Variants in PREX2 observed in about 807,000 individuals in gnomAD.
PREX2 encodes phosphatidylinositol-3,4,5-trisphosphate dependent Rac exchange factor 2.
PREX2 carries 107 observed loss-of-function variants against 203.2 expected under a neutral mutation model. The ratio of observed to expected loss-of-function variants is 0.53; its 90% CI spans 0.45 to 0.62. The LOEUF (loss-of-function observed/expected upper bound fraction) is 0.62, where lower values mean the gene tolerates loss of function less well. PREX2 is among the 20% of genes least tolerant of loss of function. The pLI is 0.00. For missense variants in PREX2, 1,777 were observed against 1,955.9 expected, an observed-to-expected ratio of 0.91 and a Z score of 1.72; for synonymous variants, 672 against 663.6, an observed-to-expected ratio of 1.01 and a Z score of -0.19.
intron 15 of PREX2, among the ~76,000 whole-genome samples, chr8:68,078,699 A>G (rs1381295731): frequency 6.6e-6 from 1 of 152,192 alleles, no homozygotes; most frequent in Non-Finnish European, 1.5e-5. Context: ...TCCTTGAAGA[A>G]CAAACTATGA....
chr8:68,050,081 T>C (rs11994197), intron 8 of PREX2, among the ~76,000 whole-genome samples: 17,054 of 152,068 alleles, frequency 0.11, 2,982 homozygotes, highest in African/African-American at 0.38. Flanking sequence ...TATATGTTTA[T>C]AATTACTTAT....
At chr8:68,090,465 A>C (rs1012665508) in intron 19 of PREX2, 114 bp from the exon 20 acceptor site, 9 of 886,904 alleles carry the variant, frequency 1.0e-5, no homozygotes, top group African/African-American at 1.0e-4. Flanking sequence ...TATCAAGATT[A>C]TACTAGCTAG....
chr8:68,098,780 T>C (rs1036979335), intron 22 of PREX2, among the ~76,000 whole-genome samples: 2 of 151,772 alleles, frequency 1.3e-5, no homozygotes, highest in Non-Finnish European at 2.9e-5. Context: ...AAACTCATAC[T>C]CCATAGTCTG....
At chr8:68,162,860 A>G (rs569915711) in intron 35 of PREX2, among the ~76,000 whole-genome samples, 1 of 152,344 alleles carries the variant, frequency 6.6e-6, no homozygotes, top group South Asian at 2.1e-4. Flanking sequence ...CAAAGACATA[A>G]GCTCACAGAC....
At chr8:68,156,274 A>G (rs945470966) in intron 34 of PREX2, among the ~76,000 whole-genome samples, 3 of 152,114 alleles carry the variant, frequency 2.0e-5, no homozygotes, top group Non-Finnish European at 4.4e-5. Flanking sequence ...TATGTTGCCT[A>G]GGCTAGTTTT....
rs141781054 is a variant in PREX2 at position 68,017,866 on chromosome 8, C to A, written c.162C>A (p.Asn54Lys). 18 of 1,612,476 alleles carry A rather than the reference C, an allele frequency of 1.1e-5. No homozygotes were observed. The highest frequency in any genetic ancestry group is 1.5e-5 in the Non-Finnish European group (18 of 1,179,058). Residue 54 changes from asparagine to lysine, a missense_variant, in exon 2 of 40, where the codon AAC becomes AAA. Coordinates refer to ENST00000288368, the MANE Select transcript of PREX2 (RefSeq NM_024870.4). ...FLVSAFLHRM[N>K]QCAASKVDKN... ...TGCAGGCATTCTTACACAGAATGAA[C>A]CAGTGTGCAGCATCAAAAGTTGACA...
intron 1 of PREX2, among the ~76,000 whole-genome samples, chr8:67,968,632 TA>T (rs1805840191): frequency 6.6e-6 from 1 of 152,196 alleles, no homozygotes; most frequent in East Asian, 1.9e-4. Flanking sequence ...TCATACATCA[TA>T]AAAGTTAAAA....
chr8:68,034,359 CTCTG>C (rs1807972647), intron 6 of PREX2, among the ~76,000 whole-genome samples: 2 of 152,166 alleles, frequency 1.3e-5, no homozygotes, highest in East Asian at 1.9e-4. Context: ...CAGGATCATG[CTCTG>C]TCTGTGTGTT....
chr8:68,118,469 A>T (rs535654083), intron 26 of PREX2, 81 bp from the exon 27 acceptor site: 8 of 823,086 alleles, frequency 9.7e-6, no homozygotes, highest in Non-Finnish European at 1.7e-5. Flanking sequence ...AATATAACTG[A>T]TATAAGTTTA....
intron 11 of PREX2, among the ~76,000 whole-genome samples, chr8:68,062,208 C>T (rs1808878314): frequency 1.3e-5 from 2 of 152,102 alleles, no homozygotes; most frequent in Non-Finnish European, 2.9e-5. Flanking sequence ...TCCCTTTCAG[C>T]ATCCTTACCT....
chr8:68,157,388 T>G lies in PREX2; in HGVS notation c.4298T>G (p.Ile1433Arg). 6.2e-7 allele frequency: 1 copy of G among 1,612,936 alleles called. No homozygotes were observed. Among genetic ancestry groups the G allele is most frequent in the Non-Finnish European group, 8.5e-7 (1 of 1,179,154 alleles). The stretch of plus-strand genomic sequence containing the variant: ...TCTGTGGAAGAATTTCAAGCTCAGA[T>G]AAATGCAGCCTCACTGGAAAAGGTC... ...NVSVEEFQAQ[I>R]NAASLEKVKQ... The change falls in exon 35 of 40, where the codon ATA becomes AGA. Residue 1433 changes from isoleucine to arginine, a missense_variant. Transcript: ENST00000288368.
In PREX2 at chr8:68,089,899, A is replaced by T. The variant is rs144486197; in HGVS notation, c.2114-680A>T. Among the ~76,000 whole-genome samples, 702 of 152,300 alleles carry T rather than the reference A, an allele frequency of 4.6e-3. 19 individuals are homozygous for T. The highest frequency in any genetic ancestry group is 0.038 in the Admixed American group (577 of 15,296). ...TTTGATCACACTATCAAATAACAAT[A>T]ATTGGAAGGTTGTGAGAAATCTTAG... On this transcript the variant is annotated intron_variant, in intron 19 of 39. Coordinates refer to ENST00000288368, the MANE Select transcript of PREX2 (RefSeq NM_024870.4).
intron 35 of PREX2, among the ~76,000 whole-genome samples, chr8:68,176,035 T>A (rs1017200625): frequency 2.0e-5 from 3 of 152,162 alleles, no homozygotes; most frequent in African/African-American, 7.2e-5. Context: ...CTTTATGAGA[T>A]TGTATACACA....
intron 12 of PREX2, 84 bp downstream of exon 12, chr8:68,069,220 A>C (rs1809115718): frequency 1.4e-6 from 1 of 705,226 alleles, no homozygotes; most frequent in Non-Finnish European, 2.4e-6. Context: ...AGAAACATAA[A>C]AGATTTTTCT....
At chr8:68,043,750 T>C (rs946125478) in intron 7 of PREX2, among the ~76,000 whole-genome samples, 1 of 152,126 alleles carries the variant, frequency 6.6e-6, no homozygotes, top group Non-Finnish European at 1.5e-5. Context: ...TTTTCCTGTG[T>C]GCTTAATGAT....
At chr8:68,068,820 G>A (rs541166241) in intron 11 of PREX2, among the ~76,000 whole-genome samples, 25 of 142,322 alleles carry the variant, frequency 1.8e-4, no homozygotes, top group African/African-American at 4.4e-4. Flanking sequence ...TTCTCAAATC[G>A]TTATATGGAA....
chr8:68,065,951 T>C (rs570110446), intron 11 of PREX2, among the ~76,000 whole-genome samples: 6 of 152,200 alleles, frequency 3.9e-5, no homozygotes, highest in Non-Finnish European at 8.8e-5. Context: ...TACAACATGT[T>C]TTGAAATATG....
intron 11 of PREX2, among the ~76,000 whole-genome samples, chr8:68,065,342 A>T (rs145262392): frequency 4.6e-5 from 7 of 152,326 alleles, no homozygotes; most frequent in African/African-American, 1.7e-4. Flanking sequence ...GGAGAAAAAA[A>T]TTGTCATCTT....
chr8:68,192,101 A>G (rs1812306825), intron 36 of PREX2, among the ~76,000 whole-genome samples: 1 of 152,222 alleles, frequency 6.6e-6, no homozygotes, highest in East Asian at 1.9e-4. Context: ...ATTTATTCAA[A>G]TTTACTTGGC....
Sources: gnomAD v4.1 joint callset for allele counts (sites outside exome capture counted in the v4.1 genomes callset) on GRCh38, gnomAD v4.1.1 for gene constraint, MANE v1.5 for transcripts, NCBI Gene and HGNC (gene_info 2026-07-23, HGNC 2026-07-21) for gene names.